The following NDEL1 variants were observed in gnomAD, a reference collection of about 807,000 sequenced individuals.
The protein encoded by NDEL1 is nuclear distribution protein nudE-like 1.
Under a neutral mutation model 45.7 loss-of-function variants are expected in NDEL1, and 9 were observed. The ratio of observed to expected loss-of-function variants is 0.20; its 90% CI spans 0.12 to 0.34. The LOEUF is 0.34. Ranked by LOEUF, NDEL1 falls within the 10% of genes least tolerant of loss-of-function variation. NDEL1 has a pLI of 1.00. For synonymous variants in NDEL1, 133 were observed against 158.6 expected, an observed-to-expected ratio of 0.84 and a Z score of 1.21; for missense variants, 306 against 406.2, an observed-to-expected ratio of 0.75 and a Z score of 2.12.
intron 4 of NDEL1, among the ~76,000 whole-genome samples, chr17:8,447,982 C>CGGGGGGGTGGGGGGGGGGGGGGGGGGGG (rs1910198333): frequency 9.3e-6 from 1 of 107,714 alleles, no homozygotes; most frequent in Non-Finnish European, 1.9e-5. Context: ...GGGAGGTGGG[C>CGGGGGGGTGGGGGGGGGGGGGGGGGGGG]GGGGGGGGGG....
At position 8,444,288 on chromosome 17, in the gene NDEL1, T is replaced by C. The variant is rs1202984039; in HGVS notation, c.17T>C (p.Ile6Thr). Residue 6 changes from isoleucine (I) to threonine (T), a missense_variant, in exon 2 of 9, where the codon ATA becomes ACA. Coordinates refer to ENST00000334527, the MANE Select transcript of NDEL1 (RefSeq NM_030808.5). Reference protein sequence around the residue: MDGEDIPDFSSLKEET... With the variant: MDGEDTPDFSSLKEET... ...TTCTTGATCATGGATGGTGAAGATA[T>C]ACCAGATTTTTCAAGTTTAAAGGAG... 10 of 1,611,872 alleles carry C rather than the reference T, an allele frequency of 6.2e-6. No homozygotes were observed. The highest frequency in any genetic ancestry group is 1.7e-5 in the Admixed American group (1 of 59,950).
In NDEL1 at chr17:8,446,771, A is replaced by G. The variant is rs772968188; in HGVS notation, c.258A>G (p.Gln86=). The change falls in exon 4 of 9, where the codon CAA becomes CAG. Residue 86 remains glutamine, a synonymous_variant. Transcript: ENST00000334527. ...GCCCTCAGGAGAAGCTAGAGCATCA[A>G]TATGCACAGAGCTATAAGCAGGTCT... ...VEALKEKLEH[Q]YAQSYKQVSV... is the part of the protein sequence containing the mutation. The G allele has an allele frequency of 7.4e-5, 119 of 1,614,072 alleles. No individual in the cohort carries two copies. Among genetic ancestry groups the G allele is most frequent in the Non-Finnish European group, 9.3e-5 (110 of 1,180,044 alleles).
chr17:8,453,639 TGAATGG>T (rs1567737258), intron 6 of NDEL1, among the ~76,000 whole-genome samples: 2 of 152,228 alleles, frequency 1.3e-5, no homozygotes, highest in Non-Finnish European at 2.9e-5. Context: ...ACTATGATTC[TGAATGG>T]GAAGACTTAA....
chr17:8,455,587 T>C lies in NDEL1; in HGVS notation c.792+700T>C, dbSNP rs1417486821. Among the ~76,000 whole-genome samples the C allele has an allele frequency of 2.7e-5, 4 of 148,874 alleles. No homozygotes were observed. In the Admixed American group the frequency reaches 2.7e-4, roughly 10 times the overall value. On this transcript the variant is annotated intron_variant, in intron 7 of 8. Coordinates refer to ENST00000334527, the MANE Select transcript of NDEL1 (RefSeq NM_030808.5). Reference sequence around the variant, plus strand: ...CTGTAATCCCAGCTACTTGGGAGGCTGAGGCAAGAGAATCACTTGAACCCA... The same window carrying C: ...CTGTAATCCCAGCTACTTGGGAGGCCGAGGCAAGAGAATCACTTGAACCCA...
At chr17:8,452,342 AT>A (rs200638230) in intron 6 of NDEL1, among the ~76,000 whole-genome samples, 1 of 151,834 alleles carries the variant, frequency 6.6e-6, no homozygotes, top group African/African-American at 2.4e-5. Context: ...GGTGGTGCAC[AT>A]TTTTTTTTAA....
intron 1 of NDEL1, among the ~76,000 whole-genome samples, chr17:8,430,816 T>C (rs1328889738): frequency 6.6e-6 from 1 of 152,226 alleles, no homozygotes; most frequent in East Asian, 1.9e-4. Flanking sequence ...CTTTCCACTT[T>C]ATTTTTTCTG....
intron 1 of NDEL1, among the ~76,000 whole-genome samples, chr17:8,415,242 G>A (rs56391729): frequency 0.41 from 61,273 of 148,110 alleles, 12,667 homozygotes; most frequent in African/African-American, 0.47. Context: ...GCAGTGGTGC[G>A]ATCACAGCTT....
At chr17:8,414,119 T>C (rs1214257815) in intron 1 of NDEL1, among the ~76,000 whole-genome samples, 2 of 152,216 alleles carry the variant, frequency 1.3e-5, no homozygotes, top group African/African-American at 4.8e-5. Context: ...TTATCTACCT[T>C]GTCCTTTTTA....
At chr17:8,440,128 A>T (rs576848938) in intron 1 of NDEL1, among the ~76,000 whole-genome samples, 2 of 152,360 alleles carry the variant, frequency 1.3e-5, no homozygotes, top group East Asian at 3.9e-4. Context: ...CATAGGTTAT[A>T]ATACTGTTAG....
At chr17:8,448,785 G>T in intron 5 of NDEL1, 99 bp downstream of exon 5, 1 of 1,208,176 alleles carries the variant, frequency 8.3e-7, no homozygotes, top group Non-Finnish European at 1.1e-6. Context: ...AACCAAATGT[G>T]GATTGAAAAT....
upstream of NDEL1, among the ~76,000 whole-genome samples, chr17:8,435,042 C>T (rs1176261381): frequency 6.6e-6 from 1 of 151,994 alleles, no homozygotes; most frequent in Admixed American, 6.6e-5. Context: ...TGCACTCCAG[C>T]CTGGGCAACA....
chr17:8,449,848 A>T (rs1320124635), intron 5 of NDEL1, among the ~76,000 whole-genome samples: 1 of 152,248 alleles, frequency 6.6e-6, no homozygotes, highest in African/African-American at 2.4e-5. Context: ...ATGGGTGTCC[A>T]AATATCTCTT....
upstream of NDEL1, among the ~76,000 whole-genome samples, chr17:8,435,672 A>C (rs1055425713): frequency 6.6e-6 from 1 of 152,256 alleles, no homozygotes; most frequent in African/African-American, 2.4e-5. Flanking sequence ...GAACTGCACA[A>C]GCCAAAACCA....
intron 7 of NDEL1, among the ~76,000 whole-genome samples, chr17:8,456,327 A>G (rs1910840235): frequency 6.6e-6 from 1 of 152,088 alleles, no homozygotes. Flanking sequence ...AAAATCCTCT[A>G]TGTTGGAGTA....
At chr17:8,462,503 C>G (rs1911272604) in intron 8 of NDEL1, among the ~76,000 whole-genome samples, 1 of 152,004 alleles carries the variant, frequency 6.6e-6, no homozygotes, top group South Asian at 2.1e-4. Context: ...AACCTGTTGA[C>G]CAGATAAAAA....
downstream of NDEL1, among the ~76,000 whole-genome samples, chr17:8,472,446 G>A (rs1296516106): frequency 6.6e-6 from 1 of 152,188 alleles, no homozygotes; most frequent in Admixed American, 6.5e-5. Flanking sequence ...ATCACGTGAG[G>A]CCGGGAGTTC....
intron 1 of NDEL1, among the ~76,000 whole-genome samples, chr17:8,427,937 T>A (rs977299031): frequency 3.3e-5 from 5 of 152,200 alleles, no homozygotes; most frequent in African/African-American, 1.2e-4. Context: ...AAATTTCACA[T>A]CTTGGTTACA....
intron 4 of NDEL1, among the ~76,000 whole-genome samples, chr17:8,447,982 C>CGGGGGGGGGGGGGGG (rs34891973): frequency 9.3e-6 from 1 of 107,714 alleles, no homozygotes; most frequent in Admixed American, 1.0e-4. Context: ...GGGAGGTGGG[C>CGGGGGGGGGGGGGGG]GGGGGGGGGG....
rs3744652 is a variant in NDEL1, at chr17:8,435,965, C to T, written c.-93C>T. 0.42 allele frequency: 185,591 copies of T among 445,664 alleles called. 39,126 individuals carry two copies. The highest frequency in any genetic ancestry group is 0.44 in the South Asian group (28,279 of 63,712). 27.6% of individuals were successfully genotyped at this position (445,664 alleles called of 1,614,324 possible). A position where few individuals can be genotyped will look rare whatever the true frequency, so the allele number is the denominator to read the frequency against. Reference sequence around the variant, plus strand: ...GGCTGCGTAGGGGAGCTGAGCCGAGCGGCTGGGCGGGCCTGGCCGGGCCGG... The same window carrying T: ...GGCTGCGTAGGGGAGCTGAGCCGAGTGGCTGGGCGGGCCTGGCCGGGCCGG... On this transcript the variant is annotated 5_prime_UTR_variant, in exon 1 of 9. Transcript: ENST00000334527.
Sources: allele counts gnomAD v4.1 joint callset (sites outside exome capture counted in the v4.1 genomes callset), GRCh38; gene constraint gnomAD v4.1.1; transcripts MANE v1.5; gene names NCBI Gene and HGNC (gene_info 2026-07-23, HGNC 2026-07-21).